The following PRPF31 variants were observed in gnomAD, a reference collection of about 807,000 sequenced individuals.
PRPF31 encodes U4/U6 small nuclear ribonucleoprotein Prp31.
In PRPF31, 12 loss-of-function variants were observed where a neutral mutation model predicts 60.4. That is an observed-to-expected ratio of 0.20 (90% CI 0.13 to 0.32). The LOEUF is 0.32. PRPF31 is among the 10% of genes least tolerant of loss of function. The pLI is 1.00. For synonymous variants in PRPF31, 287 were observed against 287.9 expected (o/e 1.00, Z 0.03); for missense variants, 431 against 687.1 (o/e 0.63, Z 4.17).
intron 4 of PRPF31, 165 bp from the exon 5 acceptor site, chr19:54,122,332 C>A (rs1275768107): frequency 2.6e-6 from 2 of 759,940 alleles, no homozygotes; most frequent in Admixed American, 3.4e-5. Flanking sequence ...CCTGGTCACA[C>A]CTAGCGGTAA....
chr19:54,117,817 A>G (rs980589497), intron 1 of PRPF31, among the ~76,000 whole-genome samples: 17 of 151,962 alleles, frequency 1.1e-4, no homozygotes, highest in African/African-American at 3.9e-4. Flanking sequence ...GCGCCACTGC[A>G]CTCCAACCTG....
chr19:54,116,057 C>A (rs1487106158), intron 1 of PRPF31, among the ~76,000 whole-genome samples: 1 of 151,286 alleles, frequency 6.6e-6, no homozygotes, highest in African/African-American at 2.4e-5. Context: ...CGCCCGCCAC[C>A]ACCCCTGACT....
At chr19:54,127,049 G>A (rs1266968562) in intron 9 of PRPF31, among the ~76,000 whole-genome samples, 1 of 152,204 alleles carries the variant, frequency 6.6e-6, no homozygotes, top group Non-Finnish European at 1.5e-5. Context: ...GAACCTGGGA[G>A]ACGGAGGTTG....
In PRPF31 at chr19:54,128,270, C is replaced by T. The variant is rs376640664; in HGVS notation, c.1074-35C>T. The T allele has an allele frequency of 2.2e-4, 341 of 1,553,594 alleles. 2 individuals are homozygous for T. The East Asian group carries it at 3.7e-3, about 17-fold the overall frequency. On this transcript the variant is annotated intron_variant, in intron 10 of 13. Transcript: ENST00000321030. Reference sequence around the variant, plus strand: ...GAGAAGCCGGCGTCCTCCTCCCAGCCGACTCCCTGGCGCCGCCCACCCACC... The same window carrying T: ...GAGAAGCCGGCGTCCTCCTCCCAGCTGACTCCCTGGCGCCGCCCACCCACC...
chr19:54,123,381 G>T (rs1388406026), intron 5 of PRPF31, 73 bp from the exon 6 acceptor site: 1 of 1,111,570 alleles, frequency 9.0e-7, no homozygotes, highest in Non-Finnish European at 1.4e-6. Flanking sequence ...GACCTGAGGA[G>T]GTGCTGAGCA....
In PRPF31 at chr19:54,129,047, T is replaced by TC. The variant is rs112173452; in HGVS notation, c.1147-4dup. The TC allele has an allele frequency of 2.7e-5, 43 of 1,565,340 alleles. No homozygotes were observed. The highest frequency in any genetic ancestry group is 8.7e-7 in the Non-Finnish European group (1 of 1,155,732). ...TCGCTGAACTGCAGGGCGCCTCCTC[T>TC]CCCCCCTAGATCGAGGAGGACGCCT... On this transcript the variant is annotated splice_polypyrimidine_tract_variant and intron_variant, in intron 11 of 13. Coordinates refer to ENST00000321030, the MANE Select transcript of PRPF31 (RefSeq NM_015629.4).
intron 7 of PRPF31, chr19:54,124,168 C>T (rs1229945331): frequency 2.6e-6 from 2 of 762,684 alleles, no homozygotes; most frequent in East Asian, 5.4e-5. Flanking sequence ...GCCCTGTTGT[C>T]AGGGAGCTCC....
chr19:54,117,507 T>C lies in PRPF31; in HGVS notation c.-8-764T>C, dbSNP rs58677299. On this transcript the variant is annotated intron_variant, in intron 1 of 13. Coordinates refer to ENST00000321030, the MANE Select transcript of PRPF31 (RefSeq NM_015629.4). The stretch of plus-strand genomic sequence containing the variant: ...TTGTAGATTGATCGCCTTGAGGTGA[T>C]CTCTGGAGTTTTGCAGCTGGGTTTC... Among the ~76,000 whole-genome samples, 841 of 152,198 alleles carry C rather than the reference T, an allele frequency of 5.5e-3. 9 individuals are homozygous for C. Among genetic ancestry groups the C allele is most frequent in the African/African-American group, 0.018 (743 of 41,530 alleles).
At chr19:54,116,687 G>A (rs2073650015) in intron 1 of PRPF31, among the ~76,000 whole-genome samples, 1 of 152,228 alleles carries the variant, frequency 6.6e-6, no homozygotes, top group South Asian at 2.1e-4. Context: ...CTGTAGACAC[G>A]CAGAGCGTGC....
intron 3 of PRPF31, 132 bp from the exon 4 acceptor site, chr19:54,121,728 C>G (rs1447176561): frequency 2.4e-6 from 2 of 816,760 alleles, no homozygotes; most frequent in Non-Finnish European, 4.1e-6. Flanking sequence ...CAGACATCAG[C>G]CTGTCCCTGG....
At chr19:54,116,091 C>T (rs1021880019) in intron 1 of PRPF31, among the ~76,000 whole-genome samples, 1 of 150,874 alleles carries the variant, frequency 6.6e-6, no homozygotes, top group Non-Finnish European at 1.5e-5. Flanking sequence ...TTAGTAGAGA[C>T]GGGGTTTCCC....
chr19:54,125,746 G>C (rs1436385701), intron 8 of PRPF31, among the ~76,000 whole-genome samples: 6 of 152,172 alleles, frequency 3.9e-5, no homozygotes, highest in Admixed American at 3.9e-4. Flanking sequence ...CACTGCTACT[G>C]GAACACACCC....
In PRPF31 at chr19:54,123,446, G is replaced by A. The variant is rs756946386; in HGVS notation, c.421-8G>A. On this transcript the variant is annotated splice_polypyrimidine_tract_variant and splice_region_variant and intron_variant, in intron 5 of 13. Transcript: ENST00000321030. ...CGAGCCTCCCCTATCTTCTCTGCTC[G>A]CCCCCAGGAGCTGGGCAACAGCCTG... 19 of 1,611,292 alleles carry A rather than the reference G, an allele frequency of 1.2e-5. No individual in the cohort carries two copies. Among genetic ancestry groups the A allele is most frequent in the East Asian group, 8.9e-5 (4 of 44,870 alleles).
At chr19:54,124,686 C>CG (rs2073877738) in intron 8 of PRPF31, 30 bp downstream of exon 8, 3 of 1,606,742 alleles carry the variant, frequency 1.9e-6, no homozygotes. Flanking sequence ...GCCCCTCCCC[C>CG]GGCCCCCCTG....
intron 7 of PRPF31, 29 bp downstream of exon 7, chr19:54,123,947 CGG>C: frequency 2.5e-6 from 4 of 1,611,732 alleles, no homozygotes; most frequent in Non-Finnish European, 3.4e-6. Flanking sequence ...TCCCATGGAG[CGG>C]GGGTCTGCTG....
intron 3 of PRPF31, among the ~76,000 whole-genome samples, chr19:54,120,666 A>G (rs2073763213): frequency 6.6e-6 from 1 of 152,220 alleles, no homozygotes; most frequent in African/African-American, 2.4e-5. Flanking sequence ...GCCAGAATGC[A>G]GTGGCACGAT....
chr19:54,124,275 C>T (rs1800459067), intron 7 of PRPF31: 1 of 629,950 alleles, frequency 1.6e-6, no homozygotes, highest in Non-Finnish European at 2.8e-6. Flanking sequence ...TTGGGGGCCT[C>T]CTCCCTGCAC....
At chr19:54,129,211 G>A (rs779582240) in intron 12 of PRPF31, 26 bp downstream of exon 12, 3 of 1,595,556 alleles carry the variant, frequency 1.9e-6, no homozygotes, top group Non-Finnish European at 2.6e-6. Flanking sequence ...AGGTGGGGCT[G>A]GGGACCGAGG....
chr19:54,125,034 A>G (rs2073886316), intron 8 of PRPF31: 5 of 374,164 alleles, frequency 1.3e-5, no homozygotes, highest in South Asian at 1.1e-4. Flanking sequence ...AGGTTTGACC[A>G]TTCACTAGAA....
Sources: gnomAD v4.1 joint callset for allele counts (sites outside exome capture counted in the v4.1 genomes callset) on GRCh38, gnomAD v4.1.1 for gene constraint, MANE v1.5 for transcripts, NCBI Gene and HGNC (gene_info 2026-07-23, HGNC 2026-07-21) for gene names.